Variants in RNF220 observed in about 807,000 individuals in gnomAD.
The protein encoded by RNF220 is E3 ubiquitin-protein ligase RNF220.
RNF220 carries 7 observed loss-of-function variants against 67.1 expected under a neutral mutation model. The ratio of observed to expected loss-of-function variants is 0.10; its 90% CI spans 0.06 to 0.20. The LOEUF (loss-of-function observed/expected upper bound fraction) is 0.20. RNF220 is among the 10% of genes least tolerant of loss of function. The pLI is 1.00. For synonymous variants in RNF220, 270 were observed against 283.2 expected (o/e 0.95, Z 0.47); for missense variants, 565 against 740.3 (o/e 0.76, Z 2.75).
intron 2 of RNF220, among the ~76,000 whole-genome samples, chr1:44,461,586 T>G (rs1653764834): frequency 6.6e-6 from 1 of 152,164 alleles, no homozygotes; most frequent in Non-Finnish European, 1.5e-5. Flanking sequence ...CTCTTCTGTG[T>G]AGAGTTAACT....
chr1:44,485,548 A>G (rs559980150), intron 2 of RNF220, among the ~76,000 whole-genome samples: 1 of 152,256 alleles, frequency 6.6e-6, no homozygotes, highest in African/African-American at 2.4e-5. Flanking sequence ...AAATCCAACT[A>G]AGGCCGTTTT....
chr1:44,575,470 G>A (rs537206365), intron 2 of RNF220, among the ~76,000 whole-genome samples: 145 of 152,252 alleles, frequency 9.5e-4, no homozygotes, highest in African/African-American at 3.3e-3. Flanking sequence ...AAACATGGGA[G>A]TCAAGTACGG....
Position 44,586,621 on chromosome 1 carries a change from CAG to C in RNF220, c.626-27542_626-27541del, listed in dbSNP as rs367613995. Reference sequence around the variant, plus strand: ...TTGTTCCAGGAGGCAGACTAGAAGACAGAAGAAAGGAAGGAGATAGAGGAAGC... The same window carrying C: ...TTGTTCCAGGAGGCAGACTAGAAGACAAGAAAGGAAGGAGATAGAGGAAGC... On this transcript the variant is annotated intron_variant, in intron 2 of 14. Transcript: ENST00000361799. Among the ~76,000 whole-genome samples the C allele has an allele frequency of 3.9e-3, 598 of 152,228 alleles. 3 individuals carry two copies. The highest frequency in any genetic ancestry group is 5.4e-3 in the Non-Finnish European group (369 of 68,008).
chr1:44,523,231 C>T (rs964260336), intron 2 of RNF220, among the ~76,000 whole-genome samples: 10 of 152,194 alleles, frequency 6.6e-5, no homozygotes, highest in African/African-American at 7.2e-5. Context: ...GATGGCTCCC[C>T]GAGCACTCCT....
intron 2 of RNF220, among the ~76,000 whole-genome samples, chr1:44,577,675 G>A (rs186986237): frequency 1.8e-4 from 28 of 152,324 alleles, no homozygotes; most frequent in East Asian, 1.3e-3. Context: ...AATAAACAGC[G>A]TGGTAAAATA....
chr1:44,469,415 A>G (rs998225272), intron 2 of RNF220, among the ~76,000 whole-genome samples: 1 of 143,740 alleles, frequency 7.0e-6, no homozygotes, highest in Non-Finnish European at 1.6e-5. Flanking sequence ...AAGGAAAATA[A>G]TAGAAGTTCA....
intron 2 of RNF220, among the ~76,000 whole-genome samples, chr1:44,596,543 G>A (rs1666503595): frequency 6.6e-6 from 1 of 151,180 alleles, no homozygotes; most frequent in African/African-American, 2.4e-5. Flanking sequence ...TGGGGGACAA[G>A]AGCAAGATTC....
chr1:44,455,030 G>T (rs1210433365), intron 2 of RNF220, among the ~76,000 whole-genome samples: 1 of 152,164 alleles, frequency 6.6e-6, no homozygotes, highest in Non-Finnish European at 1.5e-5. Flanking sequence ...GCAAACGTAA[G>T]TTTTCTTTAT....
rs189614291 is a variant in RNF220, at chr1:44,437,727, G to C, written c.625+25005G>C. ...CCTGGGAGCTCAGGGGTAAGGGATG[G>C]TGACTTGTTAGGAAGTGCAGACAGT... On this transcript the variant is annotated intron_variant, in intron 2 of 14. Transcript: ENST00000361799. Among the ~76,000 whole-genome samples, 235 of 152,288 alleles carry C rather than the reference G, an allele frequency of 1.5e-3. 2 individuals are homozygous for C. The highest frequency in any genetic ancestry group is 4.1e-3 in the Admixed American group (62 of 15,290).
At chr1:44,481,706 A>G (rs892889640) in intron 2 of RNF220, among the ~76,000 whole-genome samples, 1 of 152,220 alleles carries the variant, frequency 6.6e-6, no homozygotes. Flanking sequence ...AAGAGCAGAA[A>G]AATATGATGG....
chr1:44,577,774 T>C (rs1333508238), intron 2 of RNF220, among the ~76,000 whole-genome samples: 1 of 151,780 alleles, frequency 6.6e-6, no homozygotes, highest in East Asian at 1.9e-4. Context: ...GAGACCCACC[T>C]GGCCAACATG....
chr1:44,532,969 C>T (rs182687371), intron 2 of RNF220, among the ~76,000 whole-genome samples: 2 of 152,284 alleles, frequency 1.3e-5, no homozygotes, highest in East Asian at 1.9e-4. Context: ...TAGGATTGAG[C>T]CACTGAGTCC....
chr1:44,630,263 C>A (rs899300372), intron 5 of RNF220, among the ~76,000 whole-genome samples: 1 of 152,248 alleles, frequency 6.6e-6, no homozygotes, highest in African/African-American at 2.4e-5. Context: ...TTAGCCCCTG[C>A]TGACTAACTA....
chr1:44,649,865 C>G lies in RNF220; in HGVS notation c.1555-18C>G. 2 of 1,614,016 alleles carry G rather than the reference C, an allele frequency of 1.2e-6. No individual in the cohort carries two copies. The highest frequency in any genetic ancestry group is 1.7e-6 in the Non-Finnish European group (2 of 1,179,932). ...GGCCTACCTCAGAGTGACCCCTTCTCTGCCCCCTCCTCCCTAGGACTCGTA... is the reference window on the plus strand; with the variant it reads ...GGCCTACCTCAGAGTGACCCCTTCTGTGCCCCCTCCTCCCTAGGACTCGTA... On this transcript the variant is annotated intron_variant, in intron 13 of 14. Coordinates refer to ENST00000361799, the MANE Select transcript of RNF220 (RefSeq NM_018150.4). This position sits in a 1 kb window ranked among gnomAD's most constrained non-coding sequence, Gnocchi z 5.9.
intron 2 of RNF220, among the ~76,000 whole-genome samples, chr1:44,598,241 C>G (rs992807017): frequency 1.3e-5 from 2 of 152,188 alleles, no homozygotes; most frequent in African/African-American, 4.8e-5. Context: ...CTCCCCACCC[C>G]TCCCCAGGTC....
intron 2 of RNF220, among the ~76,000 whole-genome samples, chr1:44,516,500 C>A (rs1659460599): frequency 6.6e-6 from 1 of 152,176 alleles, no homozygotes; most frequent in Admixed American, 6.5e-5. Context: ...CTATTCCTGA[C>A]CCCTTGTTCC....
chr1:44,437,481 G>A (rs185098442), intron 2 of RNF220, among the ~76,000 whole-genome samples: 2 of 151,974 alleles, frequency 1.3e-5, no homozygotes, highest in African/African-American at 2.4e-5. Flanking sequence ...ACCCCACCCC[G>A]CATAACTTAC....
At chr1:44,555,911 T>C (rs953685989) in intron 2 of RNF220, among the ~76,000 whole-genome samples, 1 of 150,866 alleles carries the variant, frequency 6.6e-6, no homozygotes, top group African/African-American at 2.5e-5. Context: ...ACACCCTTCT[T>C]GAAGCCTTCC....
intron 2 of RNF220, among the ~76,000 whole-genome samples, chr1:44,575,091 A>ACATTAGAACTTATTCCTTC (rs962204130): frequency 1.7e-3 from 257 of 152,244 alleles, no homozygotes; most frequent in African/African-American, 6.0e-3. Flanking sequence ...CTGCTATCAA[A>ACATTAGAACTTATTCCTTC]CATTAGAACT....
Sources: allele counts gnomAD v4.1 joint callset (sites outside exome capture counted in the v4.1 genomes callset), GRCh38; gene constraint gnomAD v4.1.1; non-coding constraint Gnocchi (gnomAD v3.1); transcripts MANE v1.5; gene names NCBI Gene and HGNC (gene_info 2026-07-23, HGNC 2026-07-21).